MOK: variants seen among roughly 807,000 people sequenced by gnomAD.
The protein encoded by MOK is MOK protein kinase, also known as MAPK/MAK/MRK overlapping kinase.
In MOK, 59 loss-of-function variants were observed where a neutral mutation model predicts 54.2. The ratio of observed to expected loss-of-function variants is 1.09; its 90% confidence interval spans 0.88 to 1.35. The LOEUF (loss-of-function observed/expected upper bound fraction) is 1.35, where lower values mean the gene tolerates loss of function less well. Ranked by LOEUF, MOK falls within the 40% of genes most tolerant of loss-of-function variation. The pLI, the probability that MOK is intolerant of heterozygous loss-of-function variation, is 0.00. For missense variants in MOK, 517 were observed against 526.2 expected, an observed-to-expected ratio of 0.98 and a Z score of 0.17; for synonymous variants, 210 against 202.7, an observed-to-expected ratio of 1.04 and a Z score of -0.31.
At chr14:102,244,597 A>G (rs1002553820) in intron 7 of MOK, among the ~76,000 whole-genome samples, 3 of 152,158 alleles carry the variant, frequency 2.0e-5, no homozygotes, top group Admixed American at 2.0e-4. Flanking sequence ...GCCCCTGCCC[A>G]GGACTGGCAA....
intron 1 of MOK, among the ~76,000 whole-genome samples, chr14:102,299,331 T>G (rs932051098): frequency 3.9e-5 from 6 of 152,108 alleles, no homozygotes; most frequent in African/African-American, 1.4e-4. Context: ...CTGGCCAACA[T>G]GGTGAAACCC....
downstream of MOK, among the ~76,000 whole-genome samples, chr14:102,221,959 G>T (rs536309404): frequency 1.3e-5 from 2 of 152,284 alleles, no homozygotes; most frequent in South Asian, 2.1e-4. This position sits in a 1 kb window ranked among gnomAD's most constrained non-coding sequence, Gnocchi z 4.8. Context: ...GCCACACTTT[G>T]ATGTAATGTA....
At chr14:102,228,438 T>C (rs1456141467), downstream of MOK, among the ~76,000 whole-genome samples, 1 of 152,216 alleles carries the variant, frequency 6.6e-6, no homozygotes, top group Non-Finnish European at 1.5e-5. Context: ...GGCTCATGCC[T>C]GTAATCCCAG....
At chr14:102,266,251 T>C (rs182574251) in intron 2 of MOK, among the ~76,000 whole-genome samples, 3 of 152,056 alleles carry the variant, frequency 2.0e-5, no homozygotes, top group Admixed American at 1.3e-4. Flanking sequence ...CTTCAGTTTA[T>C]AGATACACTA....
Position 102,231,414 on chromosome 14 carries a change from A to G in MOK, c.981+293T>C, listed in dbSNP as rs535288992. Reference sequence around the variant, plus strand: ...TAGAACCTGGCACCTGCATATGGTCATCAGGACAGACACAAAAGTTCATGC... The same window carrying G: ...TAGAACCTGGCACCTGCATATGGTCGTCAGGACAGACACAAAAGTTCATGC... On this transcript the variant is annotated intron_variant, in intron 10 of 11. Transcript: ENST00000361847. The surrounding 1 kb of genome is among the most constrained non-coding windows in gnomAD (Gnocchi z 4.4). 2 of 307,292 alleles carry G rather than the reference A, an allele frequency of 6.5e-6. No individual in the cohort carries two copies. Among genetic ancestry groups the G allele is most frequent in the Admixed American group, 9.3e-5 (2 of 21,606 alleles). The allele number at this position is 307,292 out of a possible 1,614,324, so 19.0% of individuals were successfully genotyped here.
chr14:102,227,078 G>A (rs545683293), downstream of MOK, among the ~76,000 whole-genome samples: 81 of 152,224 alleles, frequency 5.3e-4, no homozygotes, highest in Middle Eastern at 0.01. Flanking sequence ...GAGTGTGACA[G>A]TCAGGACAGG....
At chr14:102,263,302 C>T (rs1007157878) in intron 4 of MOK, among the ~76,000 whole-genome samples, 8 of 152,226 alleles carry the variant, frequency 5.3e-5, no homozygotes, top group Admixed American at 3.9e-4. Context: ...TGCTGCCTCC[C>T]GCCACTCTCC....
the MOK span, among the ~76,000 whole-genome samples, chr14:102,217,063 G>C: frequency 6.6e-6 from 1 of 152,212 alleles, no homozygotes; most frequent in Non-Finnish European, 1.5e-5. Flanking sequence ...TCCAGGGTCA[G>C]TGGCCTCCAA....
the MOK span, chr14:102,214,946 T>A: frequency 5.1e-6 from 5 of 985,392 alleles, no homozygotes; most frequent in Non-Finnish European, 6.0e-6. Context: ...TATTCTGAAG[T>A]ACTGTGGGGC....
intron 1 of MOK, among the ~76,000 whole-genome samples, chr14:102,286,280 C>CA (rs2070071021): frequency 8.8e-6 from 1 of 113,520 alleles, no homozygotes; most frequent in African/African-American, 3.6e-5. Context: ...GCCTGGGCGA[C>CA]AGAGCGAGAC....
In MOK at chr14:102,253,453, G is replaced by A. The variant is rs561980884; in HGVS notation, c.284-1458C>T. ...ATTATGAAAATGTTAGGAGTCACTC[G>A]TCAACCCAGTGTTCCACTAGGCTTT... On this transcript the variant is annotated intron_variant, in intron 4 of 11. Coordinates refer to ENST00000361847, the MANE Select transcript of MOK (RefSeq NM_014226.3). Among the ~76,000 whole-genome samples, 4 of 152,334 alleles carry A rather than the reference G, an allele frequency of 2.6e-5. No individual in the cohort carries two copies. The East Asian group carries it at 5.8e-4, about 22-fold the overall frequency.
chr14:102,299,781 G>C (rs1019788450), intron 1 of MOK, among the ~76,000 whole-genome samples: 2 of 152,080 alleles, frequency 1.3e-5, no homozygotes, highest in East Asian at 3.9e-4. Flanking sequence ...ACAGAGTCTC[G>C]TCATGTTGCC....
chr14:102,272,981 C>T (rs2068508047), intron 2 of MOK, among the ~76,000 whole-genome samples: 1 of 152,102 alleles, frequency 6.6e-6, no homozygotes, highest in South Asian at 2.1e-4. Context: ...ACCAGCCTGG[C>T]CAATACGGTT....
At chr14:102,272,477 GA>G (rs79253560) in intron 2 of MOK, among the ~76,000 whole-genome samples, 81 of 139,232 alleles carry the variant, frequency 5.8e-4, no homozygotes, top group South Asian at 9.0e-4. Flanking sequence ...ACTCCATCAC[GA>G]AAAAAAAAAA....
At position 102,263,542 on chromosome 14, in the gene MOK, G is replaced by A. The variant is rs371601915; in HGVS notation, c.283+4C>T. ...TAGGTTAGCTTTCAAATTATTCTAC[G>A]TACCTCGTATTAGCTCATAAATATT... On this transcript the variant is annotated splice_donor_region_variant and intron_variant, in intron 4 of 11. Transcript: ENST00000361847. 2.7e-5 allele frequency: 42 copies of A among 1,583,970 alleles called. No homozygotes were observed. The highest frequency in any genetic ancestry group is 1.4e-4 in the Admixed American group (8 of 56,424).
At chr14:102,215,877 G>A in the MOK span, among the ~76,000 whole-genome samples, 2 of 152,186 alleles carry the variant, frequency 1.3e-5, no homozygotes, top group African/African-American at 4.8e-5. Context: ...GACAGACGAC[G>A]TAGCTGATCT....
chr14:102,223,001 C>A, downstream of MOK: 3 of 1,252,464 alleles, frequency 2.4e-6, no homozygotes, highest in South Asian at 2.5e-5. Context: ...TGGACGTCGG[C>A]GATAGCCGTG....
At chr14:102,247,303 A>G (rs943403156) in intron 7 of MOK, 1 of 152,200 alleles carries the variant, frequency 6.6e-6, no homozygotes, top group Non-Finnish European at 1.5e-5. Flanking sequence ...TTTAGCATAC[A>G]CAACCAGTTC....
chr14:102,300,394 A>T lies in MOK; in HGVS notation c.7+4568T>A, dbSNP rs1216710546. On this transcript the variant is annotated intron_variant, in intron 1 of 11. Coordinates refer to ENST00000361847, the MANE Select transcript of MOK (RefSeq NM_014226.3). ...AAACCCCATCTCCACCAAAAAAAAAAAAAAATTAGCTGGGCGAGGAGGCAC... is the reference window on the plus strand; with the variant it reads ...AAACCCCATCTCCACCAAAAAAAAATAAAAATTAGCTGGGCGAGGAGGCAC... Among the ~76,000 whole-genome samples the T allele has an allele frequency of 2.0e-5, 3 of 151,988 alleles. No homozygotes were observed. In the East Asian group the frequency reaches 5.8e-4, roughly 29 times the overall value.
Sources: gnomAD v4.1 joint callset for allele counts (sites outside exome capture counted in the v4.1 genomes callset) on GRCh38, gnomAD v4.1.1 for gene constraint, Gnocchi (gnomAD v3.1) non-coding constraint, MANE v1.5 for transcripts, NCBI Gene and HGNC (gene_info 2026-07-23, HGNC 2026-07-21) for gene names.